Variants in PAN3 observed in about 807,000 individuals in gnomAD.
The protein encoded by PAN3 is PAN2-PAN3 deadenylation complex subunit PAN3.
In PAN3, 19 loss-of-function variants were observed where a neutral mutation model predicts 96.2. The observed-to-expected ratio is 0.20, with a 90% confidence interval of 0.14 to 0.29. The LOEUF is 0.29. Ranked by LOEUF, PAN3 falls within the 10% of genes least tolerant of loss-of-function variation. The pLI, the probability that PAN3 is intolerant of heterozygous loss-of-function variation, is 1.00. For missense variants in PAN3, 882 were observed against 1,108.1 expected (o/e 0.80, Z 2.90); for synonymous variants, 433 against 406.6 (o/e 1.06, Z -0.78).
intron 13 of PAN3, 88 bp downstream of exon 13, chr13:28,270,954 C>G: frequency 7.8e-7 from 1 of 1,277,984 alleles, no homozygotes; most frequent in East Asian, 2.4e-5. Context: ...TTAATTCTGC[C>G]TTTTCATATA....
intron 5 of PAN3, among the ~76,000 whole-genome samples, chr13:28,205,874 AAAAG>A (rs1285521321): frequency 7.4e-4 from 113 of 151,872 alleles, no homozygotes; most frequent in Non-Finnish European, 1.3e-3. Context: ...AAAAAAAAAA[AAAAG>A]AAAAGAAATG....
intron 12 of PAN3, 47 bp downstream of exon 12, chr13:28,267,448 T>A: frequency 6.9e-7 from 1 of 1,451,098 alleles, no homozygotes; most frequent in Non-Finnish European, 9.6e-7. Context: ...ATGCTTTTGC[T>A]CTGTGGAAGA....
At chr13:28,190,764 G>C (rs1877143908) in intron 4 of PAN3, among the ~76,000 whole-genome samples, 1 of 152,130 alleles carries the variant, frequency 6.6e-6, no homozygotes, top group Non-Finnish European at 1.5e-5. Flanking sequence ...ACTATCACGA[G>C]AATAGCACGG....
At chr13:28,191,170 T>C (rs1256741870) in intron 4 of PAN3, among the ~76,000 whole-genome samples, 2 of 152,206 alleles carry the variant, frequency 1.3e-5, no homozygotes, top group Non-Finnish European at 2.9e-5. Context: ...GAAAAAACTT[T>C]AGTAAATAAA....
At chr13:28,259,188 C>T (rs1294368316) in intron 7 of PAN3, among the ~76,000 whole-genome samples, 1 of 151,532 alleles carries the variant, frequency 6.6e-6, no homozygotes, top group Non-Finnish European at 1.5e-5. Context: ...AGTGCAGTGG[C>T]ACGATCTCGG....
intron 14 of PAN3, chr13:28,272,368 GC>G (rs1886692092): frequency 4.9e-6 from 1 of 202,098 alleles, no homozygotes; most frequent in African/African-American, 2.3e-5. Flanking sequence ...CTGGGCCCAA[GC>G]AATCGTCTCG....
intron 11 of PAN3, 30 bp downstream of exon 11, chr13:28,267,241 G>A (rs773114924): frequency 6.2e-7 from 1 of 1,611,166 alleles, no homozygotes; most frequent in South Asian, 1.1e-5. Context: ...TCTTTCTGCT[G>A]GTGAGCTTCA....
chr13:28,203,129 A>ATT (rs879419842), intron 5 of PAN3, among the ~76,000 whole-genome samples: 2 of 137,964 alleles, frequency 1.4e-5, no homozygotes, highest in Admixed American at 7.2e-5. Flanking sequence ...TGCCTGGCTA[A>ATT]TTTTTTTTTT....
intron 16 of PAN3, 113 bp downstream of exon 16, chr13:28,280,654 T>G: frequency 1.0e-6 from 1 of 1,001,368 alleles, no homozygotes; most frequent in Non-Finnish European, 1.4e-6. Flanking sequence ...CTCTGCCTCC[T>G]GGGTTCAAGC....
At chr13:28,220,741 G>T (rs190174713) in intron 6 of PAN3, among the ~76,000 whole-genome samples, 119 of 152,216 alleles carry the variant, frequency 7.8e-4, no homozygotes, top group African/African-American at 2.6e-3. Context: ...ATGTACATAT[G>T]CCTCAGAGTC....
intron 8 of PAN3, 68 bp downstream of exon 8, chr13:28,260,619 C>A: frequency 8.0e-7 from 1 of 1,254,416 alleles, no homozygotes; most frequent in Non-Finnish European, 1.2e-6. Flanking sequence ...GGGGAAAGAA[C>A]AGAGCTCTTT....
chr13:28,168,445 A>G (rs1366541156), intron 1 of PAN3, among the ~76,000 whole-genome samples: 1 of 152,204 alleles, frequency 6.6e-6, no homozygotes, highest in Non-Finnish European at 1.5e-5. Context: ...CAGCCTGGGC[A>G]CAGTGGCTCA....
chr13:28,214,402 A>C, intron 5 of PAN3: 1 of 168,284 alleles, frequency 5.9e-6, no homozygotes, highest in Non-Finnish European at 1.3e-5. Flanking sequence ...TGAAGTATTG[A>C]TAGGTGCAGT....
chr13:28,149,727 T>TGAGG (rs1446953330), intron 1 of PAN3, among the ~76,000 whole-genome samples: 34 of 152,182 alleles, frequency 2.2e-4, no homozygotes, highest in African/African-American at 8.2e-4. Flanking sequence ...GTTACCCTCT[T>TGAGG]GCCTCAGCCT....
intron 15 of PAN3, among the ~76,000 whole-genome samples, chr13:28,279,415 C>G (rs1887287170): frequency 6.6e-6 from 1 of 152,052 alleles, no homozygotes; most frequent in African/African-American, 2.4e-5. Flanking sequence ...GGAAAAGCTC[C>G]CCACCCCACA....
intron 1 of PAN3, among the ~76,000 whole-genome samples, chr13:28,143,096 T>C (rs1566130596): frequency 2.0e-5 from 3 of 151,980 alleles, no homozygotes; most frequent in Non-Finnish European, 4.4e-5. Flanking sequence ...TGCAATTTGA[T>C]TTTTTGTTTT....
At chr13:28,274,190 A>C (rs1263228883) in intron 14 of PAN3, among the ~76,000 whole-genome samples, 1 of 152,098 alleles carries the variant, frequency 6.6e-6, no homozygotes, top group Non-Finnish European at 1.5e-5. Context: ...CAGCAGCATC[A>C]TTCTGTTCTT....
chr13:28,199,128 G>C (rs1036048537), intron 5 of PAN3, among the ~76,000 whole-genome samples: 1 of 151,886 alleles, frequency 6.6e-6, no homozygotes, highest in Admixed American at 6.6e-5. Context: ...TTTTTGATAC[G>C]GGTTGTTACA....
rs1056724982 is a variant in PAN3, at chr13:28,248,352, C to T, written c.1001-7940C>T. The stretch of plus-strand genomic sequence containing the variant: ...TTTGGTGTTTCTAAATATAATATCA[C>T]GTTGCCTACAAACAAGGATGATTAG... On this transcript the variant is annotated intron_variant, in intron 6 of 18. Coordinates refer to ENST00000380958, the MANE Select transcript of PAN3 (RefSeq NM_175854.8). 2.6e-5 allele frequency among the ~76,000 whole-genome samples: 4 copies of T among 152,028 alleles called. No individual in the cohort carries two copies. The South Asian group carries it at 6.2e-4, about 24-fold the overall frequency.
Sources: allele counts gnomAD v4.1 joint callset (sites outside exome capture counted in the v4.1 genomes callset), GRCh38; gene constraint gnomAD v4.1.1; transcripts MANE v1.5; gene names NCBI Gene and HGNC (gene_info 2026-07-23, HGNC 2026-07-21).